GRIA4: variants seen among roughly 807,000 people sequenced by gnomAD.
GRIA4 encodes the protein glutamate receptor 4.
A neutral mutation model predicts 104.0 loss-of-function variants in GRIA4; 34 were observed. The observed-to-expected ratio is 0.33, with a 90% CI of 0.25 to 0.44. The LOEUF (loss-of-function observed/expected upper bound fraction) is 0.44. Ranked by LOEUF, GRIA4 falls within the 20% of genes least tolerant of loss-of-function variation. The pLI, the probability that GRIA4 is intolerant of heterozygous loss-of-function variation, is 1.00. For synonymous variants in GRIA4, 386 were observed against 381.9 expected (o/e 1.01, Z -0.13); for missense variants, 750 against 1,096.5 (o/e 0.68, Z 4.46).
chr11:105,639,563 T>C (rs1388487355), intron 3 of GRIA4, among the ~76,000 whole-genome samples: 1 of 152,068 alleles, frequency 6.6e-6, no homozygotes, highest in Non-Finnish European at 1.5e-5. Flanking sequence ...ATATTCAATG[T>C]AGTATTTTAT....
intron 3 of GRIA4, among the ~76,000 whole-genome samples, chr11:105,644,817 G>A (rs1951479487): frequency 6.6e-6 from 1 of 152,020 alleles, no homozygotes; most frequent in African/African-American, 2.4e-5. Flanking sequence ...TAAATAATAG[G>A]TATTATTTTA....
chr11:105,928,563 T>C (rs1947783754), intron 13 of GRIA4, among the ~76,000 whole-genome samples: 1 of 152,092 alleles, frequency 6.6e-6, no homozygotes, highest in South Asian at 2.1e-4. Flanking sequence ...AGTAAGCACG[T>C]AAAATTTAAC....
At position 105,926,797 on chromosome 11, in the gene GRIA4, T is replaced by C; in HGVS notation, c.1904T>C (p.Ile635Thr). The C allele has an allele frequency of 3.1e-6, 5 of 1,610,982 alleles. No individual in the cohort carries two copies. The highest frequency in any genetic ancestry group is 4.2e-6 in the Non-Finnish European group (5 of 1,177,378). ...GVWWFFTLII[I>T]SSYTANLAAF... Reference sequence around the variant, plus strand: ...TGGTGGTTCTTTACACTCATCATTATATCATCTTATACTGCTAACCTCGCT... The same window carrying C: ...TGGTGGTTCTTTACACTCATCATTACATCATCTTATACTGCTAACCTCGCT... Residue 635 changes from isoleucine (I) to threonine (T), a missense_variant, in exon 13 of 17, where the codon ATA becomes ACA. Ile to Thr is a moderately conservative substitution (Grantham distance 89, BLOSUM62 -1). Around this residue, in one of 3 missense-constraint regions of GRIA4, gnomAD observed 272 missense variants for 524.5 expected, o/e 0.52. Transcript: ENST00000282499.
rs1187034574 is a variant in GRIA4, at chr11:105,918,932, C to T, written c.1476+14C>T. 2.0e-6 allele frequency: 3 copies of T among 1,502,662 alleles called. No individual in the cohort carries two copies. Among genetic ancestry groups the T allele is most frequent in the Non-Finnish European group, 2.8e-6 (3 of 1,078,918 alleles). The allele number at this position is 1,502,662 out of a possible 1,614,324, so 93.1% of individuals were successfully genotyped here. ...CTTGTTTATGGGGTAAGCAAATCAACTTATTGAAGAATTTACTTACATACA... is the reference window on the plus strand; with the variant it reads ...CTTGTTTATGGGGTAAGCAAATCAATTTATTGAAGAATTTACTTACATACA... On this transcript the variant is annotated intron_variant, in intron 11 of 16. Transcript: ENST00000282499.
At chr11:105,728,586 T>C (rs1020684404) in intron 3 of GRIA4, among the ~76,000 whole-genome samples, 2 of 152,122 alleles carry the variant, frequency 1.3e-5, no homozygotes, top group Non-Finnish European at 2.9e-5. Context: ...TATTCTAAAA[T>C]TGACCGTATA....
intron 6 of GRIA4, among the ~76,000 whole-genome samples, chr11:105,894,678 G>T (rs577166588): frequency 5.9e-5 from 9 of 151,878 alleles, no homozygotes; most frequent in African/African-American, 2.2e-4. Flanking sequence ...AAGAGGGAAG[G>T]AAAGAAACAA....
At chr11:105,829,960 A>G (rs1418701560) in intron 4 of GRIA4, among the ~76,000 whole-genome samples, 1 of 151,978 alleles carries the variant, frequency 6.6e-6, no homozygotes, top group Non-Finnish European at 1.5e-5. Context: ...TGATCACTAT[A>G]AAACAAAACT....
chr11:105,740,924 TATG>T (rs1279240940), intron 3 of GRIA4, among the ~76,000 whole-genome samples: 2 of 152,168 alleles, frequency 1.3e-5, no homozygotes, highest in African/African-American at 2.4e-5. Flanking sequence ...TCACTCCAAA[TATG>T]ATGAGAAGCC....
At chr11:105,710,051 CAT>C (rs1451975281) in intron 3 of GRIA4, among the ~76,000 whole-genome samples, 1 of 152,058 alleles carries the variant, frequency 6.6e-6, no homozygotes, top group African/African-American at 2.4e-5. Context: ...CAATCCCAAG[CAT>C]GTAGCATATC....
At position 105,612,385 on chromosome 11, in the gene GRIA4, T is replaced by A; in HGVS notation, c.198T>A (p.Pro66=). Residue 66 remains proline, a synonymous_variant, in exon 3 of 17, where the codon CCT becomes CCA. Coordinates refer to ENST00000282499, the MANE Select transcript of GRIA4 (RefSeq NM_000829.4). ...NASEAPFNLV[P]HVDNIETANS... is the part of the protein sequence containing the mutation. ...CGGAAGCTCCTTTTAATTTGGTACCTCATGTGGACAACATTGAGACAGCCA... is the reference window on the plus strand; with the variant it reads ...CGGAAGCTCCTTTTAATTTGGTACCACATGTGGACAACATTGAGACAGCCA... The A allele has an allele frequency of 3.7e-6, 6 of 1,613,742 alleles. No individual in the cohort carries two copies. Among genetic ancestry groups the A allele is most frequent in the Non-Finnish European group, 5.1e-6 (6 of 1,179,670 alleles).
chr11:105,654,714 G>A (rs576786365), intron 3 of GRIA4, among the ~76,000 whole-genome samples: 26 of 152,134 alleles, frequency 1.7e-4, no homozygotes, highest in Non-Finnish European at 3.8e-4. Context: ...AGATAGATCA[G>A]CAGAAGTAGT....
chr11:105,743,781 G>A (rs751836487), intron 3 of GRIA4, among the ~76,000 whole-genome samples: 7 of 152,056 alleles, frequency 4.6e-5, no homozygotes, highest in South Asian at 4.2e-4. Flanking sequence ...TGATACCACC[G>A]CTATCCATTC....
At chr11:105,650,774 A>G (rs1237471004) in intron 3 of GRIA4, among the ~76,000 whole-genome samples, 2 of 152,164 alleles carry the variant, frequency 1.3e-5, no homozygotes, top group South Asian at 2.1e-4. Flanking sequence ...TCCATGAAAT[A>G]CGTTCACTTT....
At chr11:105,695,257 T>G (rs1002062878) in intron 3 of GRIA4, among the ~76,000 whole-genome samples, 10 of 152,310 alleles carry the variant, frequency 6.6e-5, no homozygotes, top group African/African-American at 2.4e-4. Flanking sequence ...TATTTTGGTT[T>G]GTGTTTGAGA....
chr11:105,902,437 C>T (rs919296535), intron 7 of GRIA4, among the ~76,000 whole-genome samples: 1 of 151,614 alleles, frequency 6.6e-6, no homozygotes, highest in Non-Finnish European at 1.5e-5. Context: ...CTCAAGCGAT[C>T]CTCCTCCCAC....
In GRIA4 at chr11:105,821,995, C is replaced by T. The variant is rs150129640; in HGVS notation, c.488-40029C>T. Among the ~76,000 whole-genome samples, 472 of 152,058 alleles carry T rather than the reference C, an allele frequency of 3.1e-3. 3 individuals carry two copies. The highest frequency in any genetic ancestry group is 0.011 in the African/African-American group (444 of 41,506). ...CGCTCGCCACGCAGGTTCCCAGAAC[C>T]GGGAAAATCCTTTTGCTGTAGAACA... On this transcript the variant is annotated intron_variant, in intron 4 of 16. Coordinates refer to ENST00000282499, the MANE Select transcript of GRIA4 (RefSeq NM_000829.4).
At chr11:105,879,142 AG>A (rs2136075049) in intron 5 of GRIA4, among the ~76,000 whole-genome samples, 1 of 152,228 alleles carries the variant, frequency 6.6e-6, no homozygotes, top group East Asian at 1.9e-4. Flanking sequence ...TGTCTAAGGG[AG>A]GGAGTTCCCT....
chr11:105,668,070 T>G (rs142612561), intron 3 of GRIA4, among the ~76,000 whole-genome samples: 14 of 151,516 alleles, frequency 9.2e-5, no homozygotes, highest in African/African-American at 3.1e-4. Flanking sequence ...TATTTTAGCT[T>G]TGACATATAA....
rs1206580109 is a variant in GRIA4, at chr11:105,980,747, A to G, written c.*1008A>G. 1 of 152,668 alleles carries G rather than the reference A, an allele frequency of 6.6e-6. No individual in the cohort carries two copies. The highest frequency in any genetic ancestry group is 1.5e-5 in the Non-Finnish European group (1 of 68,056). 9.5% of individuals were successfully genotyped at this position (152,668 alleles called of 1,614,324 possible). ...TTAAAAGTTTTTTCTTATCGTTATA[A>G]AAGTTATTTGAGAAATTATAAGACT... On this transcript the variant is annotated 3_prime_UTR_variant, in exon 17 of 17. Transcript: ENST00000282499.
Sources: allele counts gnomAD v4.1 joint callset (sites outside exome capture counted in the v4.1 genomes callset), GRCh38; gene constraint gnomAD v4.1.1; regional missense constraint gnomAD v4.1.1; transcripts MANE v1.5; gene names NCBI Gene and HGNC (gene_info 2026-07-23, HGNC 2026-07-21).